Variants in CSMD1 observed in about 807,000 individuals in gnomAD.
CSMD1 encodes CUB and sushi domain-containing protein 1.
In CSMD1, 213 loss-of-function variants were observed where a neutral mutation model predicts 417.5. The ratio of observed to expected loss-of-function variants is 0.51; its 90% CI spans 0.46 to 0.57. CSMD1 has a LOEUF of 0.57. Ranked by LOEUF, CSMD1 falls within the 20% of genes least tolerant of loss-of-function variation. The probability of loss-of-function intolerance (pLI) is 0.00; values close to 1 mark genes in which losing one functional copy is unlikely to be tolerated. For synonymous variants in CSMD1, 2,862 were observed against 1,736.8 expected (o/e 1.65, Z -16.11); for missense variants, 6,923 against 4,529.7 (o/e 1.53, Z -15.17).
intron 18 of CSMD1, among the ~76,000 whole-genome samples, chr8:3,384,828 A>T (rs1810888513): frequency 8.1e-6 from 1 of 122,798 alleles, no homozygotes; most frequent in Non-Finnish European, 1.6e-5. Context: ...TAATTAAATA[A>T]AATAGTATAC....
intron 26 of CSMD1, among the ~76,000 whole-genome samples, chr8:3,248,523 CTTTTTTTTTT>C (rs10663439): frequency 1.9e-4 from 16 of 85,982 alleles, no homozygotes; most frequent in African/African-American, 6.4e-4. Context: ...AATTCCCTCC[CTTTTTTTTTT>C]TTTTTTTTTT....
intron 30 of CSMD1, among the ~76,000 whole-genome samples, chr8:3,213,624 A>T (rs1379869363): frequency 6.6e-6 from 1 of 152,138 alleles, no homozygotes; most frequent in South Asian, 2.1e-4. Flanking sequence ...TTAAATATAT[A>T]CATATTAGTT....
intron 50 of CSMD1, among the ~76,000 whole-genome samples, chr8:3,040,242 G>C (rs982874491): frequency 2.0e-5 from 3 of 151,858 alleles, no homozygotes; most frequent in African/African-American, 7.3e-5. Context: ...TGTTAATGCA[G>C]CCAAACACTC....
intron 5 of CSMD1, among the ~76,000 whole-genome samples, chr8:3,925,206 G>T (rs527284077): frequency 6.6e-6 from 1 of 152,182 alleles, no homozygotes; most frequent in Non-Finnish European, 1.5e-5. Context: ...TTTTCAATTT[G>T]CTACATTTTG....
chr8:3,652,668 C>G (rs62474664), intron 7 of CSMD1, among the ~76,000 whole-genome samples: 224 of 152,234 alleles, frequency 1.5e-3, no homozygotes, highest in Non-Finnish European at 2.5e-3. Flanking sequence ...TATTCACTAC[C>G]ATAGGAACAG....
intron 1 of CSMD1, among the ~76,000 whole-genome samples, chr8:4,953,011 G>C (rs529422711): frequency 1.3e-5 from 2 of 152,034 alleles, no homozygotes; most frequent in African/African-American, 4.8e-5. Context: ...TATACTAAAG[G>C]TTTTCCACAT....
intron 5 of CSMD1, among the ~76,000 whole-genome samples, chr8:3,846,187 G>T (rs148186650): frequency 6.6e-4 from 101 of 152,222 alleles, no homozygotes; most frequent in Middle Eastern, 6.8e-3. Flanking sequence ...TATGTGCTAG[G>T]CTTTTATATA....
rs879704671 is a variant in CSMD1 at position 3,109,795 on chromosome 8, CACAA to C, written c.6608+359_6608+362del. 6.4e-3 allele frequency among the ~76,000 whole-genome samples: 967 copies of C among 151,696 alleles called. 5 individuals are homozygous for C. Among genetic ancestry groups the C allele is most frequent in the African/African-American group, 0.021 (880 of 41,380 alleles). On this transcript the variant is annotated intron_variant, in intron 43 of 69. Transcript: ENST00000635120. ...ACAACACACACACAGACACCACACA[CACAA>C]ACACACACGTAAGCCACACAGACAT...
intron 2 of CSMD1, among the ~76,000 whole-genome samples, chr8:4,574,032 C>T (rs1000754235): frequency 6.6e-6 from 1 of 152,154 alleles, no homozygotes; most frequent in Non-Finnish European, 1.5e-5. Context: ...CCAGAATTCC[C>T]AGCCAGTGAA....
At chr8:4,833,501 G>A (rs1407312918) in intron 1 of CSMD1, among the ~76,000 whole-genome samples, 1 of 152,174 alleles carries the variant, frequency 6.6e-6, no homozygotes, top group African/African-American at 2.4e-5. Context: ...AAATTTGGGT[G>A]GGGACACAGA....
intron 3 of CSMD1, among the ~76,000 whole-genome samples, chr8:4,322,168 A>G (rs1025463885): frequency 6.6e-6 from 1 of 152,220 alleles, no homozygotes; most frequent in Non-Finnish European, 1.5e-5. Flanking sequence ...AACATTGCTA[A>G]AAGTTTCCTA....
intron 5 of CSMD1, among the ~76,000 whole-genome samples, chr8:3,863,486 C>G (rs967449949): frequency 2.0e-5 from 3 of 151,986 alleles, no homozygotes; most frequent in Non-Finnish European, 4.4e-5. Context: ...CTCCCTGCCT[C>G]TAAATACGAA....
chr8:4,395,652 A>T lies in CSMD1; in HGVS notation c.415+24301T>A, dbSNP rs1465510467. On this transcript the variant is annotated intron_variant, in intron 3 of 69. Coordinates refer to ENST00000635120, the MANE Select transcript of CSMD1 (RefSeq NM_033225.6). ...CTAATACTTCTATCTAAATGTTTTG[A>T]TAAGACTCTGTTCCAAAAGCTAGGG... Among the ~76,000 whole-genome samples, 5 of 151,584 alleles carry T rather than the reference A, an allele frequency of 3.3e-5. No individual in the cohort carries two copies. The South Asian group carries it at 6.2e-4, about 19-fold the overall frequency.
intron 2 of CSMD1, among the ~76,000 whole-genome samples, chr8:4,497,608 G>A (rs144496675): frequency 1.3e-5 from 2 of 152,278 alleles, no homozygotes; most frequent in Admixed American, 1.3e-4. Context: ...TTAGGCAAAG[G>A]CAGGCATTTA....
intron 3 of CSMD1, among the ~76,000 whole-genome samples, chr8:4,349,112 G>A (rs929382260): frequency 6.6e-6 from 1 of 152,210 alleles, no homozygotes; most frequent in African/African-American, 2.4e-5. Context: ...GAAGTTTGAA[G>A]ATAAGTAAAA....
intron 3 of CSMD1, among the ~76,000 whole-genome samples, chr8:4,297,196 T>A (rs570492423): frequency 6.6e-6 from 1 of 152,144 alleles, no homozygotes; most frequent in East Asian, 1.9e-4. Context: ...GAAATGTATT[T>A]TTTTAAATCC....
chr8:4,800,471 A>C (rs996499119), intron 1 of CSMD1, among the ~76,000 whole-genome samples: 3 of 152,058 alleles, frequency 2.0e-5, no homozygotes, highest in Non-Finnish European at 2.9e-5. Context: ...TTAAAAATTA[A>C]TCACCTTTGT....
intron 21 of CSMD1, among the ~76,000 whole-genome samples, chr8:3,350,624 G>T (rs1242610379): frequency 6.6e-6 from 1 of 152,110 alleles, no homozygotes; most frequent in African/African-American, 2.4e-5. Context: ...CAAGAAAAAA[G>T]TGTCTTCTTA....
chr8:4,292,907 T>C (rs1183250675), intron 3 of CSMD1, among the ~76,000 whole-genome samples: 1 of 152,184 alleles, frequency 6.6e-6, no homozygotes, highest in African/African-American at 2.4e-5. Context: ...TTGTTAGTTC[T>C]GCAAATTCAT....
Sources: gnomAD v4.1 joint callset for allele counts (sites outside exome capture counted in the v4.1 genomes callset) on GRCh38, gnomAD v4.1.1 for gene constraint, MANE v1.5 for transcripts, NCBI Gene and HGNC (gene_info 2026-07-23, HGNC 2026-07-21) for gene names.